Variants in TTC8 observed in about 807,000 individuals in gnomAD.
TTC8 encodes tetratricopeptide repeat protein 8.
TTC8 carries 47 observed loss-of-function variants against 72.5 expected under a neutral mutation model. The observed-to-expected ratio is 0.65, with a 90% CI of 0.51 to 0.83. The LOEUF is 0.83. Ranked by LOEUF, TTC8 falls within the 40% of genes least tolerant of loss-of-function variation. The probability of loss-of-function intolerance (pLI) is 0.00; values close to 1 mark genes in which losing one functional copy is unlikely to be tolerated. For synonymous variants in TTC8, 199 were observed against 221.4 expected, an observed-to-expected ratio of 0.90 and a Z score of 0.90; for missense variants, 611 against 623.2, an observed-to-expected ratio of 0.98 and a Z score of 0.21.
chr14:88,833,819 C>G, intron 2 of TTC8, 97 bp downstream of exon 2: 3 of 1,095,968 alleles, frequency 2.7e-6, no homozygotes, highest in Non-Finnish European at 2.8e-6. Context: ...GCATATCTTC[C>G]TGTGGGTTTA....
intron 10 of TTC8, among the ~76,000 whole-genome samples, chr14:88,867,902 A>T (rs948009711): frequency 2.0e-5 from 3 of 152,210 alleles, no homozygotes; most frequent in African/African-American, 7.2e-5. Flanking sequence ...AAGAATTTCA[A>T]ATATAAAGCA....
Position 88,871,765 on chromosome 14 carries a change from G to A in TTC8, c.1224+42G>A. On this transcript the variant is annotated intron_variant, in intron 12 of 14. Coordinates refer to ENST00000380656, the MANE Select transcript of TTC8 (RefSeq NM_144596.4). The surrounding 1 kb of genome is among the most constrained non-coding windows in gnomAD (Gnocchi z 4.1). ...ATATAATTTCTGTTATAGAAAGTTG[G>A]TTTGAGCCAGACACAGTGGCTCATG... The A allele has an allele frequency of 1.2e-6, 2 of 1,610,176 alleles. No individual in the cohort carries two copies. The highest frequency in any genetic ancestry group is 1.7e-6 in the Non-Finnish European group (2 of 1,176,882).
Position 88,875,052 on chromosome 14 carries a change from A to T in TTC8, c.1374A>T (p.Ser458=), listed in dbSNP as rs2094951238. ...CAAGGGCACTATTACAAACTGCATCATCATTAGCACCCCATATGTATGAAC... is the reference window on the plus strand; with the variant it reads ...CAAGGGCACTATTACAAACTGCATCTTCATTAGCACCCCATATGTATGAAC... ...EQARALLQTA[S]SLAPHMYEPH... is the part of the protein sequence containing the mutation. Residue 458 remains serine, a synonymous_variant, in exon 14 of 15, where the codon TCA becomes TCT. Coordinates refer to ENST00000380656, the MANE Select transcript of TTC8 (RefSeq NM_144596.4). 3 of 1,612,770 alleles carry T rather than the reference A, an allele frequency of 1.9e-6. No individual in the cohort carries two copies. Among genetic ancestry groups the T allele is most frequent in the Non-Finnish European group, 2.5e-6 (3 of 1,179,626 alleles).
At chr14:88,851,535 G>A (rs933512101) in intron 7 of TTC8, among the ~76,000 whole-genome samples, 1 of 152,108 alleles carries the variant, frequency 6.6e-6, no homozygotes, top group African/African-American at 2.4e-5. Flanking sequence ...CTATTTGCTG[G>A]AAAAAGGTCT....
At chr14:88,876,404 C>T (rs1240595546) in intron 14 of TTC8, among the ~76,000 whole-genome samples, 3 of 152,224 alleles carry the variant, frequency 2.0e-5, no homozygotes, top group Non-Finnish European at 2.9e-5. Flanking sequence ...TGAGTGTATA[C>T]ATGAAAAAGC....
At chr14:88,832,673 C>T (rs1051375972) in intron 1 of TTC8, among the ~76,000 whole-genome samples, 4 of 152,162 alleles carry the variant, frequency 2.6e-5, no homozygotes, top group African/African-American at 7.2e-5. Flanking sequence ...GATATGTATA[C>T]AAGTAAACAG....
At chr14:88,852,088 G>A (rs1257377509) in intron 7 of TTC8, among the ~76,000 whole-genome samples, 1 of 152,154 alleles carries the variant, frequency 6.6e-6, no homozygotes, top group Admixed American at 6.5e-5. Context: ...TCAGCCTTGA[G>A]AGAAAAATCG....
chr14:88,854,859 T>C (rs2094849092), intron 8 of TTC8, among the ~76,000 whole-genome samples: 1 of 152,124 alleles, frequency 6.6e-6, no homozygotes, highest in African/African-American at 2.4e-5. Context: ...TTTTAAAGCT[T>C]TCTTTTTTAT....
intron 10 of TTC8, among the ~76,000 whole-genome samples, chr14:88,864,638 A>G (rs1251618170): frequency 1.3e-5 from 2 of 152,218 alleles, no homozygotes; most frequent in Non-Finnish European, 2.9e-5. Flanking sequence ...GAAGGAAGAA[A>G]GAAGTGGAGA....
In TTC8 at chr14:88,875,078, C is replaced by T. The variant is rs202031505; in HGVS notation, c.1400C>T (p.Pro467Leu). ...TCATTAGCACCCCATATGTATGAAC[C>T]GCATTTTAATTTTGCAACAATCTCT... ...ASSLAPHMYE[P>L]HFNFATISDK... The change falls in exon 14 of 15, where the codon CCG (proline) becomes CTG (leucine). Residue 467 changes from proline to leucine, a missense_variant. Coordinates refer to ENST00000380656, the MANE Select transcript of TTC8 (RefSeq NM_144596.4). 75 of 1,612,516 alleles carry T rather than the reference C, an allele frequency of 4.7e-5. No homozygotes were observed. The highest frequency in any genetic ancestry group is 5.5e-5 in the Non-Finnish European group (65 of 1,179,420).
In TTC8 at chr14:88,871,907, C is replaced by T. The variant is rs186852008; in HGVS notation, c.1224+184C>T. Among the ~76,000 whole-genome samples, 1 of 152,166 alleles carries T rather than the reference C, an allele frequency of 6.6e-6. No homozygotes were observed. Among genetic ancestry groups the T allele is most frequent in the Admixed American group, 6.5e-5 (1 of 15,286 alleles). On this transcript the variant is annotated intron_variant, in intron 12 of 14. Coordinates refer to ENST00000380656, the MANE Select transcript of TTC8 (RefSeq NM_144596.4). The surrounding 1 kb of genome is among the most constrained non-coding windows in gnomAD (Gnocchi z 4.1). ...TCTCTACAAAAAATTTAAAAATTAG[C>T]TGGGTGTGGTAGTGCACATCTGTAG...
At chr14:88,879,915 G>T (rs1021668449), downstream of TTC8, 1 of 152,092 alleles carries the variant, frequency 6.6e-6, no homozygotes. Context: ...GGCCTCAAGT[G>T]GTCCACCCGC....
chr14:88,826,664 A>T, intron 1 of TTC8, among the ~76,000 whole-genome samples: 1 of 152,218 alleles, frequency 6.6e-6, no homozygotes, highest in East Asian at 1.9e-4. Flanking sequence ...AGATCGCACC[A>T]CTGCACTCCA....
At chr14:88,837,322 C>T (rs564192594) in intron 2 of TTC8, among the ~76,000 whole-genome samples, 1 of 152,262 alleles carries the variant, frequency 6.6e-6, no homozygotes, top group East Asian at 1.9e-4. Context: ...TCCGCTGGGC[C>T]CAATTCTTCA....
chr14:88,829,362 G>C (rs943793800), intron 1 of TTC8, among the ~76,000 whole-genome samples: 1 of 152,192 alleles, frequency 6.6e-6, no homozygotes, highest in African/African-American at 2.4e-5. Context: ...ACAGCACTGT[G>C]ACCTAGAGAG....
chr14:88,842,891 A>G (rs560705695), intron 6 of TTC8, among the ~76,000 whole-genome samples: 3 of 152,104 alleles, frequency 2.0e-5, no homozygotes, highest in Non-Finnish European at 2.9e-5. Context: ...AGTAGCACCA[A>G]TTGCACTCTT....
At chr14:88,832,635 A>G (rs1217398255) in intron 1 of TTC8, among the ~76,000 whole-genome samples, 2 of 152,208 alleles carry the variant, frequency 1.3e-5, no homozygotes, top group African/African-American at 4.8e-5. Flanking sequence ...GGTTGTTATG[A>G]GACTCAAATG....
At chr14:88,870,992 A>G (rs2038531) in intron 11 of TTC8, among the ~76,000 whole-genome samples, 15,559 of 152,174 alleles carry the variant, frequency 0.1, 2,139 homozygotes, top group African/African-American at 0.3. Flanking sequence ...TATGCATAGA[A>G]GCAAATGGGG....
intron 10 of TTC8, among the ~76,000 whole-genome samples, chr14:88,869,028 TAAC>T (rs1478304214): frequency 6.6e-6 from 1 of 152,190 alleles, no homozygotes; most frequent in Non-Finnish European, 1.5e-5. Flanking sequence ...TGGTGCTTCT[TAAC>T]AATCAGTAGA....
Sources: gnomAD v4.1 joint callset for allele counts (sites outside exome capture counted in the v4.1 genomes callset) on GRCh38, gnomAD v4.1.1 for gene constraint, Gnocchi (gnomAD v3.1) non-coding constraint, MANE v1.5 for transcripts, NCBI Gene and HGNC (gene_info 2026-07-23, HGNC 2026-07-21) for gene names.